Variants in SLC8A1 observed in about 807,000 individuals in gnomAD.
SLC8A1 encodes solute carrier family 8 member A1.
SLC8A1 carries 18 observed loss-of-function variants against 68.3 expected under a neutral mutation model. That is an observed-to-expected ratio of 0.26 (90% CI 0.18 to 0.39). The LOEUF is 0.39. Ranked by LOEUF, SLC8A1 falls within the 10% of genes least tolerant of loss-of-function variation. SLC8A1 has a pLI of 1.00. For missense variants in SLC8A1, 985 were observed against 1,156.7 expected, an observed-to-expected ratio of 0.85 and a Z score of 2.15; for synonymous variants, 475 against 415.5, an observed-to-expected ratio of 1.14 and a Z score of -1.74.
chr2:40,399,471 T>C (rs1341040041), intron 2 of SLC8A1, among the ~76,000 whole-genome samples: 1 of 152,148 alleles, frequency 6.6e-6, no homozygotes. Context: ...CTCAAAATCC[T>C]TGAAGGAGAA....
At chr2:40,232,678 C>A (rs2059820248) in intron 2 of SLC8A1, among the ~76,000 whole-genome samples, 1 of 138,862 alleles carries the variant, frequency 7.2e-6, no homozygotes, top group Non-Finnish European at 1.6e-5. Context: ...TATACATGTG[C>A]CATGCTGGTG....
intron 1 of SLC8A1, among the ~76,000 whole-genome samples, chr2:40,493,732 G>A (rs1318255394): frequency 6.7e-6 from 1 of 148,298 alleles, no homozygotes; most frequent in Non-Finnish European, 1.5e-5. Flanking sequence ...TCAACTCACT[G>A]CAACCTCTGC....
chr2:40,177,671 G>C (rs1573616115), intron 3 of SLC8A1: 8 of 839,796 alleles, frequency 9.5e-6, no homozygotes, highest in South Asian at 7.5e-5. Context: ...AGGAAGAGGA[G>C]AGAGTTAAGT....
At chr2:40,329,098 A>G (rs796566367) in intron 2 of SLC8A1, among the ~76,000 whole-genome samples, 21 of 138,012 alleles carry the variant, frequency 1.5e-4, no homozygotes, top group Non-Finnish European at 2.9e-4. Flanking sequence ...ACACACACAC[A>G]CACGCACTGG....
intron 2 of SLC8A1, among the ~76,000 whole-genome samples, chr2:40,319,375 TATC>T: frequency 6.6e-6 from 1 of 152,214 alleles, no homozygotes; most frequent in African/African-American, 2.4e-5. Context: ...CCTCACTTAA[TATC>T]ATCAGGGTTT....
intron 2 of SLC8A1, among the ~76,000 whole-genome samples, chr2:40,266,810 C>T (rs897886109): frequency 1.3e-5 from 2 of 152,136 alleles, no homozygotes; most frequent in African/African-American, 4.8e-5. Flanking sequence ...CATATCCCTT[C>T]AAGTGGGTTG....
chr2:40,448,179 T>G (rs67261129), intron 1 of SLC8A1, among the ~76,000 whole-genome samples: 16,781 of 152,172 alleles, frequency 0.11, 1,727 homozygotes, highest in East Asian at 0.42. Context: ...AACCTAGTCA[T>G]TGATTAGGTC....
intron 7 of SLC8A1, chr2:40,118,210 A>G (rs2125086813): frequency 6.6e-6 from 1 of 152,332 alleles, no homozygotes; most frequent in Admixed American, 6.5e-5. Flanking sequence ...ATAGGGTCTT[A>G]GCAAATGTGA....
intron 2 of SLC8A1, among the ~76,000 whole-genome samples, chr2:40,278,739 T>C (rs1367862627): frequency 6.6e-6 from 1 of 152,180 alleles, no homozygotes; most frequent in Non-Finnish European, 1.5e-5. Flanking sequence ...CATCTCGCTT[T>C]TCTTTCTGCA....
intron 2 of SLC8A1, among the ~76,000 whole-genome samples, chr2:40,375,660 C>A (rs1229096271): frequency 6.6e-6 from 1 of 151,908 alleles, no homozygotes; most frequent in African/African-American, 2.4e-5. Flanking sequence ...GAGTTAAGAC[C>A]CACTCCCAAA....
rs536836630 is a variant in SLC8A1 at position 40,338,865 on chromosome 2, C to G, written c.1808+89608G>C. ...TGTGACTTGAAATATTTGAAAACAG[C>G]GTGCTGTATCTTATATGAGAACAAC... On this transcript the variant is annotated intron_variant, in intron 2 of 7. Coordinates refer to ENST00000406785, the Ensembl canonical transcript of SLC8A1. 2.6e-5 allele frequency among the ~76,000 whole-genome samples: 4 copies of G among 152,032 alleles called. No individual in the cohort carries two copies. In the South Asian group the frequency reaches 8.3e-4, roughly 32 times the overall value.
At chr2:40,363,264 C>T (rs1675122887) in intron 2 of SLC8A1, among the ~76,000 whole-genome samples, 1 of 151,958 alleles carries the variant, frequency 6.6e-6, no homozygotes, top group South Asian at 2.1e-4. Flanking sequence ...TGACAAAAGA[C>T]TAAGAAACAA....
At position 40,393,559 on chromosome 2, in the gene SLC8A1, T is replaced by A. The variant is rs551964612; in HGVS notation, c.1808+34914A>T. The stretch of plus-strand genomic sequence containing the variant: ...TTACATTCTTATTTCCACTGTGTAG[T>A]CATAATTTTGAATGTACTCTCTAAT... On this transcript the variant is annotated intron_variant, in intron 2 of 7. Coordinates refer to ENST00000406785, the Ensembl canonical transcript of SLC8A1. Among the ~76,000 whole-genome samples, 7 of 152,242 alleles carry A rather than the reference T, an allele frequency of 4.6e-5. 1 individual carries two copies. The highest frequency in any genetic ancestry group is 1.4e-4 in the African/African-American group (6 of 41,562).
intron 2 of SLC8A1, among the ~76,000 whole-genome samples, chr2:40,364,467 G>A (rs1336757647): frequency 6.7e-6 from 1 of 149,770 alleles, no homozygotes; most frequent in African/African-American, 2.5e-5. Flanking sequence ...AAAACAATTA[G>A]AAGATTTCTA....
chr2:40,358,991 G>T (rs950803389), intron 2 of SLC8A1, among the ~76,000 whole-genome samples: 21 of 152,110 alleles, frequency 1.4e-4, no homozygotes, highest in African/African-American at 5.1e-4. Flanking sequence ...GTGGATGGGG[G>T]TGGAACGGCT....
intron 1 of SLC8A1, among the ~76,000 whole-genome samples, chr2:40,460,140 T>A (rs1213432137): frequency 3.3e-5 from 5 of 152,184 alleles, no homozygotes; most frequent in Admixed American, 3.3e-4. Flanking sequence ...AAATGAATGA[T>A]ATCAGATTTG....
intron 1 of SLC8A1, among the ~76,000 whole-genome samples, chr2:40,436,152 C>A (rs565145456): frequency 3.4e-4 from 51 of 151,816 alleles, no homozygotes; most frequent in African/African-American, 1.2e-3. Context: ...ATGCAACTCT[C>A]TAAGGGCAGG....
intron 2 of SLC8A1, among the ~76,000 whole-genome samples, chr2:40,377,967 C>T (rs1680462498): frequency 2.0e-5 from 3 of 152,132 alleles, no homozygotes; most frequent in Admixed American, 6.6e-5. Flanking sequence ...CAAACTCCAA[C>T]TTCATTTCAC....
At chr2:40,233,629 T>C (rs940826757) in intron 2 of SLC8A1, among the ~76,000 whole-genome samples, 12 of 139,646 alleles carry the variant, frequency 8.6e-5, no homozygotes, top group African/African-American at 2.7e-4. Flanking sequence ...TTTTGGCTTT[T>C]GTTGTCATTG....
Sources: allele counts gnomAD v4.1 joint callset (sites outside exome capture counted in the v4.1 genomes callset), GRCh38; gene constraint gnomAD v4.1.1; transcripts MANE v1.5; gene names NCBI Gene and HGNC (gene_info 2026-07-23, HGNC 2026-07-21).